The following LRRC9 variants were observed in gnomAD, a reference collection of about 807,000 sequenced individuals.
LRRC9 encodes leucine rich repeat containing 9.
A neutral mutation model predicts 63.2 loss-of-function variants in LRRC9; 122 were observed. The ratio of observed to expected loss-of-function variants is 1.93; its 90% CI spans 1.67 to 2.24. The LOEUF is 2.24. Among genes scored for constraint, LRRC9 ranks in the 30% most tolerant of loss-of-function variants. The pLI is 0.00. For synonymous variants in LRRC9, 366 were observed against 213.1 expected (o/e 1.72, Z -6.25); for missense variants, 1,071 against 627.7 (o/e 1.71, Z -7.55).
chr14:60,050,154 G>A (rs1316938740), intron 29 of LRRC9, among the ~76,000 whole-genome samples: 4 of 151,792 alleles, frequency 2.6e-5, no homozygotes, highest in Admixed American at 6.6e-5. Context: ...ACACCACCAC[G>A]CCCAGCTAAT....
intron 10 of LRRC9, among the ~76,000 whole-genome samples, chr14:59,965,311 C>A (rs1884721146): frequency 6.6e-6 from 1 of 152,150 alleles, no homozygotes; most frequent in African/African-American, 2.4e-5. Context: ...AAAGGTCGTC[C>A]CCAAGGCCCT....
rs1252124223 is a variant in LRRC9 at position 59,936,752 on chromosome 14, T to C, written c.544-1638T>C. On this transcript the variant is annotated intron_variant, in intron 6 of 31. Transcript: ENST00000445360. This position sits in a 1 kb window ranked among gnomAD's most constrained non-coding sequence, Gnocchi z 4.2. The stretch of plus-strand genomic sequence containing the variant: ...TCCCTGCATAGGCTCAGCCCAAGCC[T>C]CAGGTCAGACCAGTGAGCCACATTC... Among the ~76,000 whole-genome samples the C allele has an allele frequency of 6.6e-6, 1 of 152,152 alleles. No homozygotes were observed. The highest frequency in any genetic ancestry group is 1.5e-5 in the Non-Finnish European group (1 of 68,008).
chr14:60,059,676 G>A (rs999817958), intron 31 of LRRC9, among the ~76,000 whole-genome samples: 3 of 152,198 alleles, frequency 2.0e-5, no homozygotes, highest in Non-Finnish European at 2.9e-5. Context: ...GACCCTAACT[G>A]TCTTCAAGTC....
At chr14:60,026,184 C>CACACA (rs1891537094) in intron 27 of LRRC9, among the ~76,000 whole-genome samples, 3 of 152,016 alleles carry the variant, frequency 2.0e-5, no homozygotes, top group African/African-American at 7.2e-5. Flanking sequence ...AATGTATGTG[C>CACACA]TTACTTAAAA....
chr14:59,992,402 C>T lies in LRRC9; in HGVS notation c.2212-5254C>T, dbSNP rs191092384. Among the ~76,000 whole-genome samples the T allele has an allele frequency of 7.2e-3, 1,100 of 152,254 alleles. 9 individuals are homozygous for T. The highest frequency in any genetic ancestry group is 0.025 in the African/African-American group (1,019 of 41,536). On this transcript the variant is annotated intron_variant, in intron 17 of 31. Transcript: ENST00000445360. The stretch of plus-strand genomic sequence containing the variant: ...AAACTGGGAACTCTAAAAATCAGAG[C>T]GCCTCTTCTCGTCCAAAGGAACGCA...
intron 8 of LRRC9, among the ~76,000 whole-genome samples, chr14:59,953,842 G>C (rs978530805): frequency 6.6e-5 from 10 of 152,264 alleles, no homozygotes; most frequent in East Asian, 1.9e-4. Flanking sequence ...TTTGTATAAG[G>C]CTTAAGGAAG....
At position 60,022,876 on chromosome 14, in the gene LRRC9, T is replaced by C; in HGVS notation, c.3703+6T>C. ...AAAATTCCTCTTTCTACAGGGTGAGTAGAAACACTGTTACTGTATAAGTCT... is the reference window on the plus strand; with the variant it reads ...AAAATTCCTCTTTCTACAGGGTGAGCAGAAACACTGTTACTGTATAAGTCT... On this transcript the variant is annotated splice_donor_region_variant and intron_variant, in intron 27 of 31. Transcript: ENST00000445360. The C allele has an allele frequency of 1.5e-6, 1 of 646,798 alleles. No homozygotes were observed. Among genetic ancestry groups the C allele is most frequent in the Non-Finnish European group, 2.8e-6 (1 of 356,610 alleles). 40.1% of individuals were successfully genotyped at this position (646,798 alleles called of 1,614,324 possible).
chr14:59,920,850 TA>T (rs1411698221), intron 1 of LRRC9, among the ~76,000 whole-genome samples: 1 of 152,234 alleles, frequency 6.6e-6, no homozygotes, highest in Non-Finnish European at 1.5e-5. Context: ...GCATGACAAT[TA>T]ACCCATTAAA....
chr14:59,977,472 T>C, intron 14 of LRRC9, 125 bp downstream of exon 14: 1 of 569,460 alleles, frequency 1.8e-6, no homozygotes, highest in Non-Finnish European at 3.1e-6. Context: ...CAAAAATCTG[T>C]TACTAGCCAC....
At chr14:59,963,575 T>TG (rs1884556677) in intron 10 of LRRC9, among the ~76,000 whole-genome samples, 1 of 152,026 alleles carries the variant, frequency 6.6e-6, no homozygotes, top group Non-Finnish European at 1.5e-5. Context: ...TAAGTTCCTT[T>TG]GGGGAAGATA....
intron 8 of LRRC9, among the ~76,000 whole-genome samples, chr14:59,946,504 C>CT (rs562279605): frequency 1.0e-4 from 14 of 137,518 alleles, no homozygotes; most frequent in African/African-American, 1.6e-4. Flanking sequence ...TTTTTTTTGT[C>CT]TTTTTTTTTT....
In LRRC9 at chr14:59,996,667, A is replaced by G. The variant is rs568905927; in HGVS notation, c.2212-989A>G. The stretch of plus-strand genomic sequence containing the variant: ...CACCAGTAATAATGTAAATTAAAAT[A>G]AGGCAGGTGGATCAGTGAGTATTTG... On this transcript the variant is annotated intron_variant, in intron 17 of 31. Transcript: ENST00000445360. Among the ~76,000 whole-genome samples, 7 of 152,352 alleles carry G rather than the reference A, an allele frequency of 4.6e-5. No homozygotes were observed. In the South Asian group the frequency reaches 1.0e-3, roughly 23 times the overall value.
chr14:59,934,855 T>A (rs992833729), intron 6 of LRRC9, among the ~76,000 whole-genome samples: 7 of 152,004 alleles, frequency 4.6e-5, no homozygotes, highest in African/African-American at 1.7e-4. Flanking sequence ...TTTAAATCAA[T>A]TAGAAACAAA....
intron 16 of LRRC9, among the ~76,000 whole-genome samples, chr14:59,983,985 C>T (rs1418938703): frequency 1.3e-5 from 2 of 152,146 alleles, no homozygotes; most frequent in African/African-American, 4.8e-5. Flanking sequence ...ACTACCACTG[C>T]CTAAGTCTGC....
At position 59,936,761 on chromosome 14, in the gene LRRC9, A is replaced by G. The variant is rs1278316285; in HGVS notation, c.544-1629A>G. On this transcript the variant is annotated intron_variant, in intron 6 of 31. Coordinates refer to ENST00000445360, the Ensembl canonical transcript of LRRC9. The surrounding 1 kb of genome is among the most constrained non-coding windows in gnomAD (Gnocchi z 4.2). ...AGGCTCAGCCCAAGCCTCAGGTCAG[A>G]CCAGTGAGCCACATTCTCACTTGTC... Among the ~76,000 whole-genome samples, 1 of 152,184 alleles carries G rather than the reference A, an allele frequency of 6.6e-6. No individual in the cohort carries two copies. The highest frequency in any genetic ancestry group is 1.5e-5 in the Non-Finnish European group (1 of 68,026).
chr14:59,981,414 C>T (rs1161104678), intron 15 of LRRC9, among the ~76,000 whole-genome samples: 1 of 152,094 alleles, frequency 6.6e-6, no homozygotes, highest in Non-Finnish European at 1.5e-5. Flanking sequence ...ACCGTAATTA[C>T]TGAATTACCT....
intron 29 of LRRC9, among the ~76,000 whole-genome samples, chr14:60,033,512 T>G (rs993379139): frequency 2.6e-5 from 4 of 152,168 alleles, no homozygotes; most frequent in African/African-American, 9.6e-5. Context: ...GAATGGGCAT[T>G]GCCTTTTCAG....
In LRRC9 at chr14:59,965,480, G is replaced by A. The variant is rs1037073404; in HGVS notation, c.1212-1109G>A. ...TCATTGTCAGGAAGTTATTTCAGTA[G>A]TCCAATGAGAGATCGTGGTGATTTG... is the stretch of plus-strand genomic sequence containing the variant. On this transcript the variant is annotated intron_variant, in intron 10 of 31. Transcript: ENST00000445360. Among the ~76,000 whole-genome samples the A allele has an allele frequency of 1.2e-4, 18 of 152,298 alleles. 1 individual carries two copies. The highest frequency in any genetic ancestry group is 8.5e-4 in the Admixed American group (13 of 15,300).
intron 23 of LRRC9, among the ~76,000 whole-genome samples, chr14:60,015,526 T>C (rs1016397702): frequency 2.0e-5 from 3 of 152,124 alleles, no homozygotes; most frequent in Admixed American, 2.0e-4. Context: ...GGAGGTGTGT[T>C]CTTCATTAAC....
Sources: allele counts gnomAD v4.1 joint callset (sites outside exome capture counted in the v4.1 genomes callset), GRCh38; gene constraint gnomAD v4.1.1; non-coding constraint Gnocchi (gnomAD v3.1); transcripts MANE v1.5; gene names NCBI Gene and HGNC (gene_info 2026-07-23, HGNC 2026-07-21).